The following CTNNA3 variants were observed in gnomAD, a reference collection of about 807,000 sequenced individuals.
CTNNA3 encodes catenin alpha-3.
Under a neutral mutation model 95.7 loss-of-function variants are expected in CTNNA3, and 76 were observed. The observed-to-expected ratio is 0.79, with a 90% confidence interval of 0.66 to 0.96. The LOEUF (loss-of-function observed/expected upper bound fraction) is 0.96. Ranked by LOEUF, CTNNA3 falls within the 40% of genes least tolerant of loss-of-function variation. The pLI is 0.00. For synonymous variants in CTNNA3, 431 were observed against 374.4 expected (o/e 1.15, Z -1.74); for missense variants, 1,191 against 1,089.8 (o/e 1.09, Z -1.31).
chr10:66,954,282 A>G (rs1051037417), intron 7 of CTNNA3, among the ~76,000 whole-genome samples: 1 of 152,232 alleles, frequency 6.6e-6, no homozygotes, highest in East Asian at 1.9e-4. Flanking sequence ...GTTGTAAACC[A>G]TATATTTGAA....
intron 12 of CTNNA3, among the ~76,000 whole-genome samples, chr10:66,341,593 C>A (rs1019399265): frequency 6.6e-6 from 1 of 151,866 alleles, no homozygotes; most frequent in Non-Finnish European, 1.5e-5. Context: ...GTAAATTGTA[C>A]TTTAGATTTT....
intron 15 of CTNNA3, among the ~76,000 whole-genome samples, chr10:66,040,344 A>G (rs979150282): frequency 6.6e-6 from 1 of 152,170 alleles, no homozygotes; most frequent in Admixed American, 6.6e-5. Context: ...TAAGAGGAGA[A>G]CTGTCATTCA....
At chr10:67,421,278 G>C (rs186296791) in intron 5 of CTNNA3, among the ~76,000 whole-genome samples, 1 of 152,322 alleles carries the variant, frequency 6.6e-6, no homozygotes, top group African/African-American at 2.4e-5. Context: ...GTATAAAATA[G>C]AAAATATCCA....
intron 9 of CTNNA3, among the ~76,000 whole-genome samples, chr10:66,667,483 C>A (rs1049197718): frequency 6.6e-5 from 10 of 152,100 alleles, no homozygotes; most frequent in African/African-American, 2.2e-4. Flanking sequence ...ACTAACATTT[C>A]TTCATCGAGG....
intron 14 of CTNNA3, among the ~76,000 whole-genome samples, chr10:66,088,688 T>TG (rs2081089494): frequency 6.6e-6 from 1 of 152,080 alleles, no homozygotes; most frequent in African/African-American, 2.4e-5. Context: ...ACAAAGTGTT[T>TG]GAGTATCAAT....
intron 12 of CTNNA3, among the ~76,000 whole-genome samples, chr10:66,374,528 G>T (rs571473369): frequency 6.6e-6 from 1 of 151,316 alleles, no homozygotes; most frequent in Non-Finnish European, 1.5e-5. Flanking sequence ...ACAATGGTAG[G>T]CCCTGGGAGA....
At chr10:67,379,556 T>C (rs2132726021) in intron 5 of CTNNA3, among the ~76,000 whole-genome samples, 1 of 152,312 alleles carries the variant, frequency 6.6e-6, no homozygotes, top group East Asian at 1.9e-4. Context: ...ACATTGCTTT[T>C]CCCAAAGGTA....
chr10:66,177,992 T>C lies in CTNNA3; in HGVS notation c.1885-74743A>G, dbSNP rs180956310. ...ATTTATCATGTCCAGAAGGCAGGCA[T>C]ATTTCAATGAAGTAATGTTTATGCC... On this transcript the variant is annotated intron_variant, in intron 13 of 17. Transcript: ENST00000433211. Among the ~76,000 whole-genome samples the C allele has an allele frequency of 2.3e-3, 352 of 152,050 alleles. 4 individuals are homozygous for C. The highest frequency in any genetic ancestry group is 9.4e-4 in the Non-Finnish European group (64 of 67,848).
chr10:66,351,925 C>T (rs1453699857), intron 12 of CTNNA3, among the ~76,000 whole-genome samples: 1 of 151,866 alleles, frequency 6.6e-6, no homozygotes, highest in African/African-American at 2.4e-5. Context: ...TTAAGTATAT[C>T]AATTTCACAT....
intron 17 of CTNNA3, among the ~76,000 whole-genome samples, chr10:65,927,778 G>T (rs923370394): frequency 8.6e-5 from 13 of 151,966 alleles, no homozygotes; most frequent in African/African-American, 3.1e-4. Flanking sequence ...CAACTATTTT[G>T]TATTGTATGT....
intron 7 of CTNNA3, among the ~76,000 whole-genome samples, chr10:66,805,787 T>G (rs1841617788): frequency 6.6e-6 from 1 of 152,010 alleles, no homozygotes; most frequent in African/African-American, 2.4e-5. Flanking sequence ...TTGAAAGAGT[T>G]ATAATATTTA....
chr10:66,583,655 G>A (rs1843268333), intron 10 of CTNNA3, among the ~76,000 whole-genome samples: 1 of 151,240 alleles, frequency 6.6e-6, no homozygotes, highest in Admixed American at 6.6e-5. Flanking sequence ...TGGTCCTTTG[G>A]ATTTTTTTTG....
intron 10 of CTNNA3, among the ~76,000 whole-genome samples, chr10:66,533,921 A>C (rs890682379): frequency 6.6e-6 from 1 of 152,148 alleles, no homozygotes; most frequent in African/African-American, 2.4e-5. Flanking sequence ...AGAGTTAAAA[A>C]ATTTTTTAAT....
chr10:67,037,906 C>A (rs968285455), intron 7 of CTNNA3, among the ~76,000 whole-genome samples: 9 of 151,946 alleles, frequency 5.9e-5, no homozygotes, highest in Admixed American at 1.3e-4. Flanking sequence ...AAAAGAAGGT[C>A]CAGGACAGAA....
Position 67,180,841 on chromosome 10 carries a change from G to A in CTNNA3, c.844-321C>T, listed in dbSNP as rs370675767. On this transcript the variant is annotated intron_variant, in intron 6 of 17. Transcript: ENST00000433211. ...AAAGCAGAATATTAATGTTGCGTGT[G>A]TTGTAAAACTGTTGTAAGAATGATA... Among the ~76,000 whole-genome samples, 5 of 152,278 alleles carry A rather than the reference G, an allele frequency of 3.3e-5. No homozygotes were observed. In the South Asian group the frequency reaches 6.2e-4, roughly 19 times the overall value.
chr10:67,762,044 G>A (rs1309388247), intron 1 of CTNNA3, among the ~76,000 whole-genome samples: 4 of 151,714 alleles, frequency 2.6e-5, no homozygotes, highest in African/African-American at 4.8e-5. Flanking sequence ...CTAACTTGCC[G>A]CTCACTGCAT....
intron 13 of CTNNA3, among the ~76,000 whole-genome samples, chr10:66,225,271 C>T (rs1233469274): frequency 1.3e-5 from 2 of 151,410 alleles, no homozygotes; most frequent in Non-Finnish European, 1.5e-5. Context: ...TTTTTAGCTC[C>T]CACATGAGTG....
At chr10:67,436,316 A>G (rs570750807) in intron 5 of CTNNA3, among the ~76,000 whole-genome samples, 13 of 152,312 alleles carry the variant, frequency 8.5e-5, no homozygotes, top group African/African-American at 3.1e-4. Flanking sequence ...CTTATAAAAA[A>G]TCAACTCAAG....
chr10:65,953,785 T>C (rs1286099808), intron 17 of CTNNA3, among the ~76,000 whole-genome samples: 3 of 152,184 alleles, frequency 2.0e-5, no homozygotes, highest in African/African-American at 4.8e-5. Flanking sequence ...CAGTCTATCA[T>C]TGATGGACAT....
Sources: gnomAD v4.1 joint callset for allele counts (sites outside exome capture counted in the v4.1 genomes callset) on GRCh38, gnomAD v4.1.1 for gene constraint, MANE v1.5 for transcripts, NCBI Gene and HGNC (gene_info 2026-07-23, HGNC 2026-07-21) for gene names.